Variants in VAV1 observed in about 807,000 individuals in gnomAD.
VAV1 encodes vav guanine nucleotide exchange factor 1.
VAV1 carries 33 observed loss-of-function variants against 128.1 expected under a neutral mutation model. The observed-to-expected ratio is 0.26, with a 90% CI of 0.20 to 0.34. The LOEUF (loss-of-function observed/expected upper bound fraction) is 0.34. Ranked by LOEUF, VAV1 falls within the 10% of genes least tolerant of loss-of-function variation. The pLI is 1.00. For synonymous variants in VAV1, 394 were observed against 409.8 expected (o/e 0.96, Z 0.47); for missense variants, 715 against 1,093.7 (o/e 0.65, Z 4.88).
chr19:6,788,361 T>C (rs906848234), intron 1 of VAV1, among the ~76,000 whole-genome samples: 1 of 141,256 alleles, frequency 7.1e-6, no homozygotes, highest in Admixed American at 6.9e-5. Context: ...TTATTATTAT[T>C]ATTATTATTA....
chr19:6,833,789 G>A, intron 18 of VAV1, 56 bp downstream of exon 18: 1 of 1,613,798 alleles, frequency 6.2e-7, no homozygotes, highest in Non-Finnish European at 8.5e-7. Context: ...AACAGCGCGG[G>A]GAGGACCCAG....
intron 21 of VAV1, among the ~76,000 whole-genome samples, chr19:6,839,563 C>T (rs1020046162): frequency 3.9e-5 from 6 of 152,016 alleles, no homozygotes; most frequent in East Asian, 1.9e-4. Context: ...CCACCACGCC[C>T]GGCTGGGTAT....
At chr19:6,805,583 TACACACAC>T (rs55732746) in intron 1 of VAV1, among the ~76,000 whole-genome samples, 1 of 139,096 alleles carries the variant, frequency 7.2e-6, no homozygotes, top group African/African-American at 2.6e-5. Context: ...TTTCTACAGA[TACACACAC>T]ACACACACAC....
chr19:6,807,108 C>A (rs767644709), intron 1 of VAV1, among the ~76,000 whole-genome samples: 1 of 152,130 alleles, frequency 6.6e-6, no homozygotes, highest in Non-Finnish European at 1.5e-5. Context: ...TAGCAGTGAC[C>A]GGTTTTGTGG....
intron 1 of VAV1, among the ~76,000 whole-genome samples, chr19:6,806,792 G>A (rs904722093): frequency 1.3e-5 from 2 of 152,242 alleles, no homozygotes; most frequent in Non-Finnish European, 2.9e-5. Flanking sequence ...CATGTTGCTA[G>A]AAGAGAAAGA....
intron 1 of VAV1, among the ~76,000 whole-genome samples, chr19:6,792,023 G>C (rs945446606): frequency 2.0e-5 from 3 of 152,048 alleles, no homozygotes; most frequent in Admixed American, 2.0e-4. Flanking sequence ...GGGGGGATGG[G>C]AAATCCTTGG....
chr19:6,825,019 T>TA, intron 6 of VAV1, 34 bp from the exon 7 acceptor site: 1 of 1,612,006 alleles, frequency 6.2e-7, no homozygotes, highest in South Asian at 1.1e-5. Flanking sequence ...GAGGGAATCT[T>TA]ATCTTCCGTC....
rs985201315 is a variant in VAV1 at position 6,833,793 on chromosome 19, G to C, written c.1731+60G>C. 5 of 1,613,758 alleles carry C rather than the reference G, an allele frequency of 3.1e-6. No individual in the cohort carries two copies. In the Admixed American group the frequency reaches 8.3e-5, roughly 27 times the overall value. On this transcript the variant is annotated intron_variant, in intron 18 of 26. Transcript: ENST00000602142. Reference sequence around the variant, plus strand: ...AAATAATGGGCAACAGCGCGGGGAGGACCCAGGACATCCTGGAACTGGGCA... The same window carrying C: ...AAATAATGGGCAACAGCGCGGGGAGCACCCAGGACATCCTGGAACTGGGCA...
At chr19:6,791,464 G>A (rs2546124) in intron 1 of VAV1, among the ~76,000 whole-genome samples, 33,659 of 150,886 alleles carry the variant, frequency 0.22, 3,936 homozygotes, top group African/African-American at 0.31. Flanking sequence ...CCTTATCCTG[G>A]GGTCCTTGAG....
At chr19:6,784,569 C>T (rs1169150767) in intron 1 of VAV1, among the ~76,000 whole-genome samples, 2 of 151,444 alleles carry the variant, frequency 1.3e-5, no homozygotes, top group East Asian at 1.9e-4. Flanking sequence ...TCTTGGCTCA[C>T]GGCAGCCTCC....
chr19:6,832,049 T>A (rs625828), intron 14 of VAV1, 42 bp from the exon 15 acceptor site: 655,507 of 1,593,568 alleles, frequency 0.41, 140,046 homozygotes, highest in South Asian at 0.46. Flanking sequence ...TCCCACCCTC[T>A]GCGGGGGCAG....
rs901598631 is a variant in VAV1 at position 6,777,583 on chromosome 19, C to T, written c.204+4572C>T. Among the ~76,000 whole-genome samples the T allele has an allele frequency of 2.0e-5, 3 of 152,086 alleles. No individual in the cohort carries two copies. The highest frequency in any genetic ancestry group is 7.2e-5 in the African/African-American group (3 of 41,424). ...CATGTGGATCTGGGGAAATGGTGTT[C>T]CAGACAGTGGTTACTGCCAGTGCAA... On this transcript the variant is annotated intron_variant, in intron 1 of 26. Coordinates refer to ENST00000602142, the MANE Select transcript of VAV1 (RefSeq NM_005428.4). The surrounding 1 kb of genome is among the most constrained non-coding windows in gnomAD (Gnocchi z 4.4).
At chr19:6,813,971 G>A (rs1971567585) in intron 1 of VAV1, among the ~76,000 whole-genome samples, 1 of 152,038 alleles carries the variant, frequency 6.6e-6, no homozygotes, top group South Asian at 2.1e-4. Flanking sequence ...GACGCAGGAG[G>A]ATCTTTTGAG....
chr19:6,807,785 G>T (rs1442379982), intron 1 of VAV1, among the ~76,000 whole-genome samples: 1 of 151,938 alleles, frequency 6.6e-6, no homozygotes, highest in African/African-American at 2.4e-5. Context: ...GAGGTCAGGA[G>T]TTCGAGACTA....
intron 1 of VAV1, among the ~76,000 whole-genome samples, chr19:6,783,155 G>A (rs1361769709): frequency 6.6e-6 from 1 of 152,068 alleles, no homozygotes; most frequent in Non-Finnish European, 1.5e-5. Context: ...ACTCCAGCCT[G>A]GTGACAGAGC....
intron 1 of VAV1, among the ~76,000 whole-genome samples, chr19:6,782,858 G>C (rs927476531): frequency 6.6e-6 from 1 of 151,608 alleles, no homozygotes; most frequent in African/African-American, 2.4e-5. Context: ...AGTCCAGCCC[G>C]GGTGACAGAG....
intron 24 of VAV1, among the ~76,000 whole-genome samples, chr19:6,852,601 G>T (rs1443227376): frequency 1.3e-5 from 2 of 151,652 alleles, no homozygotes; most frequent in African/African-American, 4.8e-5. Flanking sequence ...GGCGCCTGTA[G>T]TCCCAGCTAC....
In VAV1 at chr19:6,833,711, A is replaced by T. The variant is rs756302359; in HGVS notation, c.1709A>T (p.Asp570Val). ...RVPPCGRHGQDFPGTMKKDKL... is the reference protein window; with the variant it reads ...RVPPCGRHGQVFPGTMKKDKL... ...CACCATTTCCTTTACCCTCCCGTAGATTTCCCAGGAACTATGAAGAAGGTA... is the reference window on the plus strand; with the variant it reads ...CACCATTTCCTTTACCCTCCCGTAGTTTTCCCAGGAACTATGAAGAAGGTA... The change falls in exon 18 of 27, where the codon GAT becomes GTT. Residue 570 changes from aspartate (D) to valine (V), a missense_variant and splice_region_variant. Around this residue, in one of 3 missense-constraint regions of VAV1, gnomAD observed 407 missense variants for 580.6 expected, o/e 0.70. Coordinates refer to ENST00000602142, the MANE Select transcript of VAV1 (RefSeq NM_005428.4). 1.2e-6 allele frequency: 2 copies of T among 1,613,966 alleles called. No individual in the cohort carries two copies. Among genetic ancestry groups the T allele is most frequent in the Admixed American group, 3.3e-5 (2 of 59,980 alleles).
At chr19:6,848,673 G>C (rs892523552) in intron 23 of VAV1, among the ~76,000 whole-genome samples, 1 of 152,004 alleles carries the variant, frequency 6.6e-6, no homozygotes, top group African/African-American at 2.4e-5. Flanking sequence ...AAAGTGTTGG[G>C]ATTACAGGCG....
Sources: gnomAD v4.1 joint callset for allele counts (sites outside exome capture counted in the v4.1 genomes callset) on GRCh38, gnomAD v4.1.1 for gene constraint, gnomAD v4.1.1 regional missense constraint, Gnocchi (gnomAD v3.1) non-coding constraint, MANE v1.5 for transcripts, NCBI Gene and HGNC (gene_info 2026-07-23, HGNC 2026-07-21) for gene names.